The following ARHGAP10 variants were observed in gnomAD, a reference collection of about 807,000 sequenced individuals.
ARHGAP10 encodes Rho GTPase activating protein 10.
Under a neutral mutation model 108.6 loss-of-function variants are expected in ARHGAP10, and 87 were observed. The observed-to-expected ratio is 0.80, with a 90% confidence interval of 0.67 to 0.96. ARHGAP10 has a LOEUF of 0.96. Among genes scored for constraint, ARHGAP10 ranks in the 40% least tolerant of loss-of-function variants. The probability of loss-of-function intolerance (pLI) is 0.00; values close to 1 mark genes in which losing one functional copy is unlikely to be tolerated. For missense variants in ARHGAP10, 939 were observed against 954.5 expected, an observed-to-expected ratio of 0.98 and a Z score of 0.21; for synonymous variants, 347 against 341.1, an observed-to-expected ratio of 1.02 and a Z score of -0.19.
chr4:147,758,192 C>G (rs1049689558), intron 1 of ARHGAP10, among the ~76,000 whole-genome samples: 4 of 149,506 alleles, frequency 2.7e-5, no homozygotes, highest in Admixed American at 2.7e-4. Context: ...GAACCCGGGA[C>G]GTGGAGGTTG....
chr4:147,951,268 T>G (rs1222919541), intron 15 of ARHGAP10, among the ~76,000 whole-genome samples: 1 of 152,042 alleles, frequency 6.6e-6, no homozygotes, highest in Non-Finnish European at 1.5e-5. Flanking sequence ...TTAGCACCCT[T>G]TAACTTTCCT....
chr4:147,954,447 A>C (rs181110798), intron 15 of ARHGAP10, among the ~76,000 whole-genome samples: 11 of 151,970 alleles, frequency 7.2e-5, no homozygotes, highest in African/African-American at 2.6e-4. Flanking sequence ...ATATGAAATG[A>C]CCTTCTTTAT....
intron 16 of ARHGAP10, among the ~76,000 whole-genome samples, chr4:147,961,510 A>C (rs886149917): frequency 3.9e-5 from 6 of 152,142 alleles, no homozygotes; most frequent in African/African-American, 1.4e-4. Context: ...GTGTTGTCCA[A>C]GATTTTAGTA....
intron 1 of ARHGAP10, among the ~76,000 whole-genome samples, chr4:147,792,061 G>A (rs139300864): frequency 0.01 from 1,582 of 152,314 alleles, 13 homozygotes; most frequent in Non-Finnish European, 0.017. Flanking sequence ...CTGTGTGGTA[G>A]CACGTGAGCG....
intron 18 of ARHGAP10, among the ~76,000 whole-genome samples, chr4:147,996,499 A>G (rs1418204777): frequency 3.9e-5 from 6 of 152,146 alleles, no homozygotes; most frequent in Admixed American, 3.9e-4. Context: ...TGGCCATCTG[A>G]GACTGAGACT....
At chr4:147,805,772 C>T (rs746113874) in intron 1 of ARHGAP10, among the ~76,000 whole-genome samples, 2 of 152,142 alleles carry the variant, frequency 1.3e-5, no homozygotes, top group Non-Finnish European at 2.9e-5. Flanking sequence ...TATGATCACA[C>T]CACTGCATCG....
intron 13 of ARHGAP10, among the ~76,000 whole-genome samples, chr4:147,936,503 G>T: frequency 6.6e-6 from 1 of 151,104 alleles, no homozygotes; most frequent in African/African-American, 2.4e-5. Flanking sequence ...TAATTTTTTT[G>T]TATTTTTAGT....
intron 1 of ARHGAP10, among the ~76,000 whole-genome samples, chr4:147,796,156 G>A (rs1038459693): frequency 1.3e-5 from 2 of 152,094 alleles, no homozygotes; most frequent in African/African-American, 4.8e-5. Flanking sequence ...TAGAAAATAA[G>A]TTTATAATAG....
intron 3 of ARHGAP10, among the ~76,000 whole-genome samples, chr4:147,834,811 CT>C (rs1247898307): frequency 3.3e-5 from 5 of 150,822 alleles, no homozygotes; most frequent in Non-Finnish European, 7.4e-5. Context: ...TCTCCTTCCC[CT>C]GGGTCAGACC....
At chr4:147,791,137 A>T (rs1205115451) in intron 1 of ARHGAP10, among the ~76,000 whole-genome samples, 2 of 147,486 alleles carry the variant, frequency 1.4e-5, no homozygotes, top group Non-Finnish European at 3.0e-5. Context: ...TTTGAGACAG[A>T]GTCTCTCTTT....
intron 16 of ARHGAP10, among the ~76,000 whole-genome samples, chr4:147,957,731 A>G (rs572307442): frequency 6.6e-6 from 1 of 152,172 alleles, no homozygotes; most frequent in Admixed American, 6.5e-5. Flanking sequence ...CCTGGGTCCC[A>G]TTGTTTTCTC....
rs928345501 is a variant in ARHGAP10, at chr4:147,862,988, ATATT to A, written c.487-1857_487-1854del. 1.3e-4 allele frequency: 20 copies of A among 152,354 alleles called. No homozygotes were observed. In the East Asian group the frequency reaches 3.3e-3, roughly 25 times the overall value. 9.4% of individuals were successfully genotyped at this position (152,354 alleles called of 1,614,324 possible). On this transcript the variant is annotated intron_variant, in intron 5 of 22. Coordinates refer to ENST00000336498, the MANE Select transcript of ARHGAP10 (RefSeq NM_024605.4). ...AATTCTCATTTTAGCTTAGTAATAT[ATATT>A]AAAGTATTTGCTGAAATGGTTTTTA...
chr4:148,068,834 A>G (rs924819972), intron 22 of ARHGAP10, among the ~76,000 whole-genome samples: 2 of 152,148 alleles, frequency 1.3e-5, no homozygotes, highest in Non-Finnish European at 2.9e-5. Context: ...TGTCTACATT[A>G]TGCTGAAAAC....
intron 16 of ARHGAP10, among the ~76,000 whole-genome samples, chr4:147,957,320 T>G (rs1467702068): frequency 6.6e-6 from 1 of 152,210 alleles, no homozygotes; most frequent in Non-Finnish European, 1.5e-5. Context: ...TTTAATCTCT[T>G]GAGTACCCTT....
chr4:148,035,271 TAA>T (rs1432751405), intron 19 of ARHGAP10, among the ~76,000 whole-genome samples: 1 of 152,234 alleles, frequency 6.6e-6, no homozygotes, highest in Non-Finnish European at 1.5e-5. Context: ...CAACAGAAAA[TAA>T]AATGTACTTA....
rs1392480954 is a variant in ARHGAP10, at chr4:147,878,205, C to T, written c.833-1027C>T. On this transcript the variant is annotated intron_variant, in intron 8 of 22. Transcript: ENST00000336498. ...CTGCCTCCTGGGTTCAGCCTATTCA[C>T]CTGCCTCAGCCTCCCGAGTAGCTGG... is the stretch of plus-strand genomic sequence containing the variant. 1.1e-4 allele frequency among the ~76,000 whole-genome samples: 16 copies of T among 152,030 alleles called. 1 individual carries two copies. The highest frequency in any genetic ancestry group is 9.8e-4 in the Admixed American group (15 of 15,260).
At chr4:148,016,762 G>A (rs1394140782) in intron 18 of ARHGAP10, among the ~76,000 whole-genome samples, 3 of 152,066 alleles carry the variant, frequency 2.0e-5, no homozygotes, top group South Asian at 2.1e-4. Flanking sequence ...GATGCTGGTC[G>A]CAGGTCCGGG....
intron 1 of ARHGAP10, among the ~76,000 whole-genome samples, chr4:147,785,529 A>G (rs937861343): frequency 2.6e-5 from 4 of 152,128 alleles, no homozygotes; most frequent in African/African-American, 7.2e-5. Context: ...TGAGCATCCC[A>G]TGGGTGTATG....
intron 10 of ARHGAP10, among the ~76,000 whole-genome samples, chr4:147,892,226 T>G (rs1735818124): frequency 6.6e-6 from 1 of 152,162 alleles, no homozygotes; most frequent in Admixed American, 6.5e-5. Context: ...CACTGGCGTT[T>G]TACAGTGATT....
Sources: gnomAD v4.1 joint callset for allele counts (sites outside exome capture counted in the v4.1 genomes callset) on GRCh38, gnomAD v4.1.1 for gene constraint, MANE v1.5 for transcripts, NCBI Gene and HGNC (gene_info 2026-07-23, HGNC 2026-07-21) for gene names.